Variants in ANKFN1 observed in about 807,000 individuals in gnomAD.
ANKFN1 encodes the protein ankyrin repeat and fibronectin type III domain containing 1.
Under a neutral mutation model 108.7 loss-of-function variants are expected in ANKFN1, and 74 were observed. The ratio of observed to expected loss-of-function variants is 0.68; its 90% CI spans 0.56 to 0.83. The LOEUF is 0.83. Ranked by LOEUF, ANKFN1 falls within the 40% of genes least tolerant of loss-of-function variation. ANKFN1 has a pLI of 0.00. For missense variants in ANKFN1, 1,505 were observed against 1,382.3 expected (o/e 1.09, Z -1.41); for synonymous variants, 547 against 516.2 (o/e 1.06, Z -0.81).
chr17:56,354,705 C>G (rs553829942), intron 6 of ANKFN1, among the ~76,000 whole-genome samples: 1 of 152,106 alleles, frequency 6.6e-6, no homozygotes, highest in Non-Finnish European at 1.5e-5. Flanking sequence ...CCTCAGTCTT[C>G]GGTAAACACT....
At chr17:56,288,334 G>A (rs2044271806) in intron 3 of ANKFN1, among the ~76,000 whole-genome samples, 1 of 151,674 alleles carries the variant, frequency 6.6e-6, no homozygotes, top group Non-Finnish European at 1.5e-5. Flanking sequence ...AAGACAATAT[G>A]TTTTTTACTT....
intron 3 of ANKFN1, among the ~76,000 whole-genome samples, chr17:56,231,149 T>TTTC (rs1916705161): frequency 6.6e-6 from 1 of 152,140 alleles, no homozygotes; most frequent in South Asian, 2.1e-4. Context: ...GTCAATCTTT[T>TTTC]TTCTTCATTT....
chr17:56,510,783 G>C lies in ANKFN1; in HGVS notation c.2955G>C (p.Lys985Asn). 2.0e-6 allele frequency: 3 copies of C among 1,536,182 alleles called. No homozygotes were observed. The highest frequency in any genetic ancestry group is 1.4e-5 in the African/African-American group (1 of 73,192). The change falls in exon 21 of 21, where the codon AAG becomes AAC. Residue 985 changes from lysine to asparagine, a missense_variant. Transcript: ENST00000682825. ...LTGFTPKNHA[K>N]TVSGGRPPLG... ...GGTTCACACCCAAGAACCACGCCAA[G>C]ACTGTGTCCGGTGGGCGGCCCCCGC...
chr17:56,350,640 C>A lies in ANKFN1; in HGVS notation c.189-126C>A, dbSNP rs1278052891. 3.4e-6 allele frequency: 3 copies of A among 876,142 alleles called. No homozygotes were observed. In the East Asian group the frequency reaches 7.9e-5, roughly 23 times the overall value. 54.3% of individuals were successfully genotyped at this position (876,142 alleles called of 1,614,324 possible). On this transcript the variant is annotated intron_variant, in intron 4 of 20. Transcript: ENST00000682825. ...CATAAAAAAAGCTGGGTCTGATAAT[C>A]TCTAAGGTCCCTACCAGCTCTAATA...
chr17:56,399,064 A>G (rs896967119), intron 8 of ANKFN1, among the ~76,000 whole-genome samples: 1 of 152,152 alleles, frequency 6.6e-6, no homozygotes, highest in African/African-American at 2.4e-5. Context: ...ACCAGTGAGG[A>G]AAATACATAA....
intron 3 of ANKFN1, among the ~76,000 whole-genome samples, chr17:56,318,512 G>A (rs1343227018): frequency 6.6e-6 from 1 of 152,102 alleles, no homozygotes; most frequent in East Asian, 1.9e-4. Flanking sequence ...AATGAGGCCC[G>A]GGTCCTGCCC....
intron 1 of ANKFN1, among the ~76,000 whole-genome samples, chr17:56,189,462 G>C (rs968948850): frequency 6.6e-6 from 1 of 152,054 alleles, no homozygotes; most frequent in Admixed American, 6.5e-5. Context: ...GAGCCACCGC[G>C]CCCGGCCTGC....
intron 2 of ANKFN1, among the ~76,000 whole-genome samples, chr17:56,215,386 G>A (rs1413917305): frequency 6.6e-6 from 1 of 152,202 alleles, no homozygotes; most frequent in Non-Finnish European, 1.5e-5. Context: ...CAGGGTTATT[G>A]TGTGAGAAAG....
intron 1 of ANKFN1, among the ~76,000 whole-genome samples, chr17:56,184,185 T>G (rs994136691): frequency 2.0e-5 from 3 of 152,168 alleles, no homozygotes; most frequent in African/African-American, 7.2e-5. Flanking sequence ...GAAAGAAATA[T>G]TTTGTGAAAG....
intron 1 of ANKFN1, among the ~76,000 whole-genome samples, chr17:56,189,194 G>A (rs554586005): frequency 2.4e-4 from 8 of 33,270 alleles, no homozygotes; most frequent in African/African-American, 6.5e-4. Context: ...TTTTTGAGAC[G>A]GAGTCTCGCT....
chr17:56,503,510 T>C (rs983595615), intron 20 of ANKFN1, among the ~76,000 whole-genome samples: 1 of 136,496 alleles, frequency 7.3e-6, no homozygotes, highest in Non-Finnish European at 1.5e-5. Flanking sequence ...TATATATATA[T>C]ATATATATAT....
At chr17:56,134,470 G>A (rs1048305630) in intron 4 of ANKFN1, among the ~76,000 whole-genome samples, 4 of 152,054 alleles carry the variant, frequency 2.6e-5, no homozygotes, top group Non-Finnish European at 5.9e-5. Context: ...CTATCCAGGA[G>A]CCCACCAAGA....
intron 3 of ANKFN1, among the ~76,000 whole-genome samples, chr17:56,296,075 GT>G (rs138833335): frequency 6.6e-6 from 1 of 150,900 alleles, no homozygotes; most frequent in African/African-American, 2.4e-5. Context: ...TTAAATTCAG[GT>G]TTTTTTTTCA....
intron 18 of ANKFN1, among the ~76,000 whole-genome samples, chr17:56,485,980 A>G (rs7216048): frequency 0.72 from 109,170 of 152,068 alleles, 39,655 homozygotes; most frequent in East Asian, 0.97. Context: ...AGTATTGCCT[A>G]TGACAAAGAG....
intron 1 of ANKFN1, among the ~76,000 whole-genome samples, chr17:56,199,910 C>G (rs1201795903): frequency 1.6e-4 from 24 of 152,180 alleles, no homozygotes; most frequent in Non-Finnish European, 2.8e-4. Context: ...AGTTCCTAAG[C>G]CAAGTTCACA....
At chr17:56,332,993 A>ATT (rs2144575776) in intron 4 of ANKFN1, among the ~76,000 whole-genome samples, 1 of 119,344 alleles carries the variant, frequency 8.4e-6, no homozygotes, top group South Asian at 2.6e-4. Context: ...ATATATATAT[A>ATT]TATATATCTT....
At chr17:56,382,063 G>C (rs529070397) in intron 8 of ANKFN1, among the ~76,000 whole-genome samples, 11 of 152,286 alleles carry the variant, frequency 7.2e-5, no homozygotes, top group African/African-American at 2.6e-4. Context: ...ACAAAGGGAA[G>C]CCCATCAGAC....
chr17:56,112,852 C>T (rs1295361172), intron 4 of ANKFN1, among the ~76,000 whole-genome samples: 2 of 152,238 alleles, frequency 1.3e-5, no homozygotes, highest in African/African-American at 4.8e-5. Context: ...GTTCCTATTT[C>T]TTCACAATAA....
At chr17:56,195,296 T>G (rs1913406246) in intron 1 of ANKFN1, 2 of 152,238 alleles carry the variant, frequency 1.3e-5, no homozygotes, top group Admixed American at 1.3e-4. Context: ...CCAGAAATCA[T>G]GTTTTCTCCC....
Sources: allele counts gnomAD v4.1 joint callset (sites outside exome capture counted in the v4.1 genomes callset), GRCh38; gene constraint gnomAD v4.1.1; transcripts MANE v1.5; gene names NCBI Gene and HGNC (gene_info 2026-07-23, HGNC 2026-07-21).